The following PPP2R5E variants were observed in gnomAD, a reference collection of about 807,000 sequenced individuals.
PPP2R5E encodes the protein serine/threonine-protein phosphatase 2A 56 kDa regulatory subunit epsilon isoform.
A neutral mutation model predicts 65.3 loss-of-function variants in PPP2R5E; 4 were observed. The observed-to-expected ratio is 0.06, with a 90% confidence interval of 0.03 to 0.14. PPP2R5E has a LOEUF of 0.14. Ranked by LOEUF, PPP2R5E falls within the 10% of genes least tolerant of loss-of-function variation. PPP2R5E has a pLI of 1.00. For synonymous variants in PPP2R5E, 183 were observed against 187.4 expected (o/e 0.98, Z 0.19); for missense variants, 274 against 556.1 (o/e 0.49, Z 5.10).
At chr14:63,430,373 GCATGCATACATACATACATA>G (rs1371122932) in intron 3 of PPP2R5E, among the ~76,000 whole-genome samples, 5 of 126,534 alleles carry the variant, frequency 4.0e-5, no homozygotes, top group East Asian at 2.3e-4. Context: ...ATACATACAT[GCATGCATACATACATACATA>G]CATACATGCA....
chr14:63,499,117 TG>T (rs2139660381), intron 2 of PPP2R5E, among the ~76,000 whole-genome samples: 1 of 152,316 alleles, frequency 6.6e-6, no homozygotes, highest in African/African-American at 2.4e-5. Context: ...CAGGACATAC[TG>T]GAACACAGAA....
chr14:63,405,242 G>C (rs1594837139), intron 5 of PPP2R5E, among the ~76,000 whole-genome samples: 1 of 152,174 alleles, frequency 6.6e-6, no homozygotes, highest in African/African-American at 2.4e-5. Flanking sequence ...CTTGCTATAG[G>C]CTGTGAGAGA....
At chr14:63,452,722 T>G (rs1460561307) in intron 3 of PPP2R5E, 1 of 152,082 alleles carries the variant, frequency 6.6e-6, no homozygotes, top group Admixed American at 6.5e-5. Context: ...ATCATTCAAG[T>G]GCCTTTGCAA....
At chr14:63,378,404 C>T (rs926414399) in intron 13 of PPP2R5E, among the ~76,000 whole-genome samples, 12 of 152,194 alleles carry the variant, frequency 7.9e-5, no homozygotes, top group African/African-American at 7.2e-5. Context: ...ACAAGCTTAG[C>T]GTTCCAATAA....
chr14:63,492,887 G>A (rs79248576), intron 2 of PPP2R5E, among the ~76,000 whole-genome samples: 1,709 of 152,206 alleles, frequency 0.011, 21 homozygotes, highest in Non-Finnish European at 0.017. Flanking sequence ...CAGAAATTGC[G>A]TCTTTAGACA....
intron 2 of PPP2R5E, among the ~76,000 whole-genome samples, chr14:63,484,763 A>G (rs1890899008): frequency 6.6e-6 from 1 of 152,238 alleles, no homozygotes; most frequent in Admixed American, 6.5e-5. Context: ...GAGAGGTTCA[A>G]AAACACTATC....
At chr14:63,504,115 C>A (rs1892042403) in intron 2 of PPP2R5E, among the ~76,000 whole-genome samples, 1 of 152,136 alleles carries the variant, frequency 6.6e-6, no homozygotes, top group Admixed American at 6.6e-5. Flanking sequence ...GAATCAGGCA[C>A]AGGTATAGAT....
intron 3 of PPP2R5E, among the ~76,000 whole-genome samples, chr14:63,433,032 GTTTTTTTTTTTTT>G (rs747571866): frequency 1.0e-5 from 1 of 96,464 alleles, no homozygotes; most frequent in African/African-American, 3.8e-5. Context: ...GTTTTGTTTT[GTTTTTTTTTTTTT>G]TTTTTTTTTT....
In PPP2R5E at chr14:63,422,457, T is replaced by A. The variant is rs986323962; in HGVS notation, c.355-363A>T. ...ATAAATAACTGCTGGCCGGGCGCAG[T>A]GGCTCACGCCTGTAATCCCAGCACT... On this transcript the variant is annotated intron_variant, in intron 3 of 13. Transcript: ENST00000337537. 2.6e-5 allele frequency among the ~76,000 whole-genome samples: 4 copies of A among 152,204 alleles called. No homozygotes were observed. In the South Asian group the frequency reaches 6.2e-4, roughly 24 times the overall value.
intron 2 of PPP2R5E, among the ~76,000 whole-genome samples, chr14:63,524,094 T>C (rs1893084440): frequency 6.6e-6 from 1 of 152,228 alleles, no homozygotes; most frequent in Non-Finnish European, 1.5e-5. Context: ...GTATTTTTCC[T>C]GAAATGGTGC....
chr14:63,415,283 G>C (rs1045944220), intron 4 of PPP2R5E, 51 bp from the exon 5 acceptor site: 15 of 1,349,014 alleles, frequency 1.1e-5, no homozygotes, highest in Non-Finnish European at 1.6e-5. Context: ...ACTGAGAACA[G>C]TACTAAAAAC....
At position 63,389,596 on chromosome 14, in the gene PPP2R5E, C is replaced by T; in HGVS notation, c.1074+16G>A. ...ATAACTCATGCTCCCTGGCTCATGT[C>T]CTCTTTACTACTAACCTGAAAATGG... is the stretch of plus-strand genomic sequence containing the variant. On this transcript the variant is annotated intron_variant, in intron 11 of 13. Transcript: ENST00000337537. 1 of 1,592,076 alleles carries T rather than the reference C, an allele frequency of 6.3e-7. No homozygotes were observed. The highest frequency in any genetic ancestry group is 1.8e-5 in the Admixed American group (1 of 55,150).
At chr14:63,454,276 A>C (rs116431368) in intron 2 of PPP2R5E, among the ~76,000 whole-genome samples, 1 of 152,372 alleles carries the variant, frequency 6.6e-6, no homozygotes, top group African/African-American at 2.4e-5. Flanking sequence ...AGTTTTACTA[A>C]AAAATTTCAA....
At chr14:63,450,752 A>G (rs117871818) in intron 3 of PPP2R5E, among the ~76,000 whole-genome samples, 3,359 of 151,858 alleles carry the variant, frequency 0.022, 53 homozygotes, top group Non-Finnish European at 0.036. Flanking sequence ...AATTAGAAAA[A>G]TCAGATAAAT....
chr14:63,462,466 C>T (rs953637893), intron 2 of PPP2R5E, among the ~76,000 whole-genome samples: 5 of 152,112 alleles, frequency 3.3e-5, no homozygotes, highest in Admixed American at 6.5e-5. Flanking sequence ...ATTCTTAACA[C>T]AAAATTCCCA....
chr14:63,506,075 C>T (rs1165844052), intron 2 of PPP2R5E, among the ~76,000 whole-genome samples: 1 of 152,062 alleles, frequency 6.6e-6, no homozygotes, highest in African/African-American at 2.4e-5. Context: ...AGGCAACCCA[C>T]TAAATGGGAG....
intron 5 of PPP2R5E, among the ~76,000 whole-genome samples, chr14:63,414,546 G>A (rs1002373101): frequency 6.6e-6 from 1 of 152,154 alleles, no homozygotes; most frequent in Non-Finnish European, 1.5e-5. Context: ...CAAGTTCCAG[G>A]TAAAAAGGAA....
intron 2 of PPP2R5E, among the ~76,000 whole-genome samples, chr14:63,490,238 G>A (rs578003241): frequency 3.3e-5 from 5 of 152,102 alleles, no homozygotes; most frequent in East Asian, 1.9e-4. Flanking sequence ...TATGCAGAAC[G>A]AAACTCGACC....
intron 2 of PPP2R5E, among the ~76,000 whole-genome samples, chr14:63,483,293 T>C (rs184402278): frequency 2.6e-5 from 4 of 151,970 alleles, no homozygotes; most frequent in East Asian, 1.9e-4. Context: ...ATAAAGAAGA[T>C]AGATATTTGC....
Sources: gnomAD v4.1 joint callset for allele counts (sites outside exome capture counted in the v4.1 genomes callset) on GRCh38, gnomAD v4.1.1 for gene constraint, MANE v1.5 for transcripts, NCBI Gene and HGNC (gene_info 2026-07-23, HGNC 2026-07-21) for gene names.